The following NHERF2 variants were observed in gnomAD, a reference collection of about 807,000 sequenced individuals.
The protein encoded by NHERF2 is Na(+)/H(+) exchange regulatory cofactor NHE-RF2.
At chr16:2,033,828 G>A in the NHERF2 span, among the ~76,000 whole-genome samples, 2 of 152,112 alleles carry the variant, frequency 1.3e-5, no homozygotes, top group Admixed American at 6.5e-5. Context: ...CCTTCCCCAC[G>A]AGCCCATGTG....
chr16:2,037,546 T>G, the NHERF2 span: 165 of 1,611,330 alleles, frequency 1.0e-4, 1 homozygote, highest in Middle Eastern at 6.6e-4. Flanking sequence ...AGCTCAATGG[T>G]GGCTCTGCGT....
At chr16:2,038,400 ACCC>A in the NHERF2 span, 1 of 331,056 alleles carries the variant, frequency 3.0e-6, no homozygotes, top group Non-Finnish European at 5.7e-6. Flanking sequence ...AATACCAGAG[ACCC>A]CCCCCCTTCC....
chr16:2,037,864 C>T, the NHERF2 span: 41 of 1,601,022 alleles, frequency 2.6e-5, no homozygotes, highest in African/African-American at 2.9e-4. Context: ...TCCAGGAGAG[C>T]GGCCTCCACC....
At chr16:2,030,320 T>TG in the NHERF2 span, among the ~76,000 whole-genome samples, 1 of 152,062 alleles carries the variant, frequency 6.6e-6, no homozygotes, top group African/African-American at 2.4e-5. Flanking sequence ...GGAGTGGAGT[T>TG]GGGGGTCCAG....
At chr16:2,031,720 C>T in the NHERF2 span, among the ~76,000 whole-genome samples, 1 of 152,196 alleles carries the variant, frequency 6.6e-6, no homozygotes, top group Non-Finnish European at 1.5e-5. Context: ...CTTCTCTCTT[C>T]TGGCATCAAG....
the NHERF2 span, chr16:2,035,549 G>A: frequency 1.1e-5 from 11 of 986,650 alleles, no homozygotes; most frequent in East Asian, 2.3e-4. Flanking sequence ...TGCCTGCTCC[G>A]GCCACCGCCA....
the NHERF2 span, chr16:2,032,842 G>C: frequency 1.0e-6 from 1 of 1,002,134 alleles, no homozygotes; most frequent in Non-Finnish European, 1.2e-6. This position sits in a 1 kb window ranked among gnomAD's most constrained non-coding sequence, Gnocchi z 4.0. Context: ...GGTGGTGGCA[G>C]ACCCTGAGCC....
the NHERF2 span, among the ~76,000 whole-genome samples, chr16:2,028,072 C>T: frequency 1.3e-5 from 2 of 152,210 alleles, no homozygotes; most frequent in Non-Finnish European, 2.9e-5. Flanking sequence ...CCAGGGACTC[C>T]CTCCAGACCC....
chr16:2,029,888 T>G, the NHERF2 span: 1 of 1,009,734 alleles, frequency 9.9e-7, no homozygotes, highest in Non-Finnish European at 1.5e-6. Context: ...TCTTGGTCTC[T>G]TCTGCCTTTT....
the NHERF2 span, chr16:2,036,295 G>A: frequency 1.3e-6 from 2 of 1,577,718 alleles, no homozygotes; most frequent in South Asian, 2.3e-5. Flanking sequence ...GCTGGAGCAA[G>A]AGACTGACCC....
At chr16:2,027,099 C>T in the NHERF2 span, 1 of 1,465,080 alleles carries the variant, frequency 6.8e-7, no homozygotes, top group Non-Finnish European at 9.0e-7. Context: ...GAAGGGCCGC[C>T]GCGGGCAGTT....
the NHERF2 span, chr16:2,038,237 GAGAC>G: frequency 1.4e-5 from 8 of 579,912 alleles, no homozygotes; most frequent in South Asian, 1.4e-4. Context: ...GAGAGAGAGA[GAGAC>G]ACAGAGAGAG....
the NHERF2 span, among the ~76,000 whole-genome samples, chr16:2,027,386 C>A: frequency 2.0e-5 from 3 of 152,214 alleles, no homozygotes; most frequent in African/African-American, 7.2e-5. Flanking sequence ...GAAGCTCAGT[C>A]CTGCACGGGG....
the NHERF2 span, among the ~76,000 whole-genome samples, chr16:2,033,722 C>T: frequency 6.6e-6 from 1 of 152,064 alleles, no homozygotes; most frequent in Non-Finnish European, 1.5e-5. Flanking sequence ...GCCCGAGGGC[C>T]TGGCGGGAGG....
At chr16:2,036,728 G>A in the NHERF2 span, 2 of 1,611,724 alleles carry the variant, frequency 1.2e-6, no homozygotes, top group Non-Finnish European at 1.7e-6. Context: ...GTGGCGGCAG[G>A]TGAACGGGCA....
the NHERF2 span, chr16:2,036,263 G>T: frequency 6.7e-7 from 1 of 1,498,270 alleles, no homozygotes; most frequent in South Asian, 1.3e-5. Flanking sequence ...CACCACCGGG[G>T]AGTGGCCTCT....
At chr16:2,027,028 G>C in the NHERF2 span, 1 of 1,223,684 alleles carries the variant, frequency 8.2e-7, no homozygotes, top group Non-Finnish European at 1.0e-6. Flanking sequence ...GAGCCGCTGC[G>C]GCCGCGCCTG....
At chr16:2,029,308 C>G in the NHERF2 span, among the ~76,000 whole-genome samples, 1 of 151,680 alleles carries the variant, frequency 6.6e-6, no homozygotes, top group African/African-American at 2.4e-5. Context: ...TTCCCAGCCC[C>G]GCCTGGAGAA....
the NHERF2 span, chr16:2,037,757 G>A: frequency 1.3e-6 from 2 of 1,550,556 alleles, no homozygotes; most frequent in Non-Finnish European, 1.7e-6. Flanking sequence ...TGCTCCCTAG[G>A]AGGGGCCACC....
Sources: allele counts gnomAD v4.1 joint callset (sites outside exome capture counted in the v4.1 genomes callset), GRCh38; gene constraint gnomAD v4.1.1; non-coding constraint Gnocchi (gnomAD v3.1); transcripts MANE v1.5; gene names NCBI Gene and HGNC (gene_info 2026-07-23, HGNC 2026-07-21).